Variants in HEMK2 observed in about 807,000 individuals in gnomAD.
The protein encoded by HEMK2 is HemK methyltransferase 2, ETF1 glutamine and histone H4 lysine.
chr21:28,720,860 C>G, the HEMK2 span, among the ~76,000 whole-genome samples: 2 of 152,198 alleles, frequency 1.3e-5, no homozygotes, highest in Non-Finnish European at 2.9e-5. Flanking sequence ...AAACTTGTAC[C>G]TCTTCTCCAT....
the HEMK2 span, among the ~76,000 whole-genome samples, chr21:28,653,190 T>C: frequency 6.6e-6 from 1 of 152,156 alleles, no homozygotes; most frequent in Non-Finnish European, 1.5e-5. Context: ...CTTAAAAATA[T>C]TTCCTGGGTG....
the HEMK2 span, among the ~76,000 whole-genome samples, chr21:28,744,702 G>T: frequency 1.3e-5 from 2 of 152,122 alleles, no homozygotes; most frequent in Admixed American, 6.6e-5. Context: ...TATTTCATTT[G>T]ATAATCACCT....
At chr21:28,819,221 TAA>T in the HEMK2 span, among the ~76,000 whole-genome samples, 8 of 150,636 alleles carry the variant, frequency 5.3e-5, no homozygotes, top group Admixed American at 5.3e-4. Flanking sequence ...TAAGGATACA[TAA>T]AGTCTTTCAT....
chr21:28,868,404 G>A, the HEMK2 span, among the ~76,000 whole-genome samples: 1 of 152,170 alleles, frequency 6.6e-6, no homozygotes, highest in African/African-American at 2.4e-5. Context: ...CTTTTAGGCT[G>A]TGCATGGTGG....
the HEMK2 span, among the ~76,000 whole-genome samples, chr21:28,831,962 T>C: frequency 1.3e-5 from 2 of 152,184 alleles, no homozygotes; most frequent in African/African-American, 4.8e-5. Context: ...AATATCATAT[T>C]TGTAGGAGGT....
the HEMK2 span, among the ~76,000 whole-genome samples, chr21:28,867,457 G>A: frequency 6.6e-6 from 1 of 152,268 alleles, no homozygotes; most frequent in Admixed American, 6.5e-5. Context: ...AGAACTAAAG[G>A]AAGTTCTAAC....
the HEMK2 span, among the ~76,000 whole-genome samples, chr21:28,711,804 T>TC: frequency 3.1e-4 from 47 of 152,260 alleles, no homozygotes; most frequent in African/African-American, 1.1e-3. Flanking sequence ...AACATTTATT[T>TC]CTCACACTTC....
the HEMK2 span, among the ~76,000 whole-genome samples, chr21:28,716,612 T>C: frequency 2.0e-5 from 3 of 152,182 alleles, no homozygotes; most frequent in Non-Finnish European, 4.4e-5. Flanking sequence ...GGATGCTTCT[T>C]ATTTCTTTCT....
chr21:28,653,049 TG>T, the HEMK2 span, among the ~76,000 whole-genome samples: 1 of 152,074 alleles, frequency 6.6e-6, no homozygotes, highest in African/African-American at 2.4e-5. Context: ...TAATTGAAAG[TG>T]GGTGTGATTA....
the HEMK2 span, among the ~76,000 whole-genome samples, chr21:28,789,582 T>C: frequency 6.6e-6 from 1 of 152,230 alleles, no homozygotes; most frequent in African/African-American, 2.4e-5. Context: ...GGGGTAGAAG[T>C]AGGTAAATTC....
At chr21:28,708,442 C>G in the HEMK2 span, among the ~76,000 whole-genome samples, 1 of 152,094 alleles carries the variant, frequency 6.6e-6, no homozygotes, top group Non-Finnish European at 1.5e-5. Context: ...GTTCTTGGAT[C>G]ACAATCCCCA....
the HEMK2 span, among the ~76,000 whole-genome samples, chr21:28,585,787 A>T: frequency 6.6e-6 from 1 of 152,176 alleles, no homozygotes; most frequent in African/African-American, 2.4e-5. Flanking sequence ...GGAAGGGGAA[A>T]CATTAAAAAA....
the HEMK2 span, among the ~76,000 whole-genome samples, chr21:28,696,238 G>A: frequency 6.6e-6 from 1 of 152,034 alleles, no homozygotes; most frequent in African/African-American, 2.4e-5. Flanking sequence ...AATTATGGGA[G>A]CTACAATTCA....
chr21:28,596,233 G>A, the HEMK2 span, among the ~76,000 whole-genome samples: 2 of 151,956 alleles, frequency 1.3e-5, no homozygotes, highest in Non-Finnish European at 2.9e-5. Context: ...TAGCCAGGAT[G>A]GTCTCAATCT....
At chr21:28,623,873 T>A in the HEMK2 span, among the ~76,000 whole-genome samples, 4 of 152,088 alleles carry the variant, frequency 2.6e-5, no homozygotes, top group Admixed American at 2.6e-4. Context: ...TTATGAGAAA[T>A]ACCTAATGTA....
At chr21:28,798,816 C>T in the HEMK2 span, among the ~76,000 whole-genome samples, 1 of 152,182 alleles carries the variant, frequency 6.6e-6, no homozygotes, top group African/African-American at 2.4e-5. Flanking sequence ...CACAAATCTC[C>T]ATGCATTGCT....
chr21:28,704,379 G>T, the HEMK2 span, among the ~76,000 whole-genome samples: 1 of 151,976 alleles, frequency 6.6e-6, no homozygotes, highest in African/African-American at 2.4e-5. Context: ...CAAACAAAAC[G>T]CATGGCTGGT....
the HEMK2 span, among the ~76,000 whole-genome samples, chr21:28,605,795 T>C: frequency 6.6e-6 from 1 of 152,228 alleles, no homozygotes; most frequent in Admixed American, 6.5e-5. Context: ...CAGTTTTGAT[T>C]GAAAAATTTA....
the HEMK2 span, among the ~76,000 whole-genome samples, chr21:28,772,427 T>C: frequency 6.6e-6 from 1 of 152,198 alleles, no homozygotes; most frequent in Non-Finnish European, 1.5e-5. Flanking sequence ...CTCATTATAC[T>C]GTCTTAATGC....
Sources: gnomAD v4.1 joint callset for allele counts (sites outside exome capture counted in the v4.1 genomes callset) on GRCh38, gnomAD v4.1.1 for gene constraint, MANE v1.5 for transcripts, NCBI Gene and HGNC (gene_info 2026-07-23, HGNC 2026-07-21) for gene names.